The following PIGL variants were observed in gnomAD, a reference collection of about 807,000 sequenced individuals.
The protein encoded by PIGL is phosphatidylinositol glycan anchor biosynthesis class L.
PIGL carries 22 observed loss-of-function variants against 31.1 expected under a neutral mutation model. The ratio of observed to expected loss-of-function variants is 0.71; its 90% CI spans 0.51 to 1.01. The LOEUF (loss-of-function observed/expected upper bound fraction) is 1.01. Ranked by LOEUF, PIGL falls within the 50% of genes least tolerant of loss-of-function variation. The pLI, the probability that PIGL is intolerant of heterozygous loss-of-function variation, is 0.00. For synonymous variants in PIGL, 131 were observed against 117.4 expected (o/e 1.12, Z -0.75); for missense variants, 302 against 315.9 (o/e 0.96, Z 0.33).
In PIGL at chr17:16,295,289, G is replaced by A. The variant is rs189215499; in HGVS notation, c.336-4599G>A. Among the ~76,000 whole-genome samples, 11 of 151,128 alleles carry A rather than the reference G, an allele frequency of 7.3e-5. No individual in the cohort carries two copies. In the East Asian group the frequency reaches 2.0e-3, roughly 27 times the overall value. ...CATGGTGGCGCACGCCTGTAATCCC[G>A]ATTACTGACAGGCTGAGGCAGGAGA... On this transcript the variant is annotated intron_variant, in intron 2 of 6. Transcript: ENST00000225609.
At chr17:16,280,046 G>A (rs755147850) in intron 2 of PIGL, among the ~76,000 whole-genome samples, 5 of 152,162 alleles carry the variant, frequency 3.3e-5, no homozygotes, top group Non-Finnish European at 7.3e-5. Flanking sequence ...ACTACATCAG[G>A]GCAGAAGCCC....
At chr17:16,251,305 C>T (rs2092770352) in intron 2 of PIGL, among the ~76,000 whole-genome samples, 1 of 151,494 alleles carries the variant, frequency 6.6e-6, no homozygotes, top group Non-Finnish European at 1.5e-5. Context: ...TGCCTGTGGT[C>T]CCAGCTCCTT....
intron 2 of PIGL, among the ~76,000 whole-genome samples, chr17:16,266,344 G>A (rs1476147123): frequency 7.9e-5 from 11 of 140,118 alleles, no homozygotes; most frequent in African/African-American, 2.4e-4. Flanking sequence ...AGCCGAGATC[G>A]CGCCATTGCA....
intron 3 of PIGL, among the ~76,000 whole-genome samples, chr17:16,304,794 C>G (rs1600846862): frequency 6.6e-6 from 1 of 152,196 alleles, no homozygotes; most frequent in Non-Finnish European, 1.5e-5. Context: ...AGGTGGTGAA[C>G]TGGGAATACA....
In PIGL at chr17:16,285,569, CAAA is replaced by C. The variant is rs572923923; in HGVS notation, c.336-14308_336-14306del. ...GGGCGACAGAGTGAGGCTCTGTCTC[CAAA>C]AAAAAAAAAATCCATTTTATGGTTA... On this transcript the variant is annotated intron_variant, in intron 2 of 6. Transcript: ENST00000225609. 3.6e-5 allele frequency among the ~76,000 whole-genome samples: 5 copies of C among 137,090 alleles called. No homozygotes were observed. In the South Asian group the frequency reaches 1.1e-3, roughly 31 times the overall value. The allele number at this position is 137,090 out of a possible 152,430, so 89.9% of individuals were successfully genotyped here.
chr17:16,217,226 C>T lies in PIGL; in HGVS notation c.-1C>T, dbSNP rs2092580574. 2 of 1,613,340 alleles carry T rather than the reference C, an allele frequency of 1.2e-6. No individual in the cohort carries two copies. Among genetic ancestry groups the T allele is most frequent in the Non-Finnish European group, 1.7e-6 (2 of 1,179,310 alleles). On this transcript the variant is annotated 5_prime_UTR_variant, in exon 1 of 7. Transcript: ENST00000225609. The stretch of plus-strand genomic sequence containing the variant: ...CGCAGGCTCAGTGCTGCTTACCCAT[C>T]ATGGAAGCAATGTGGCTCCTGTGTG...
chr17:16,316,630 A>G (rs1327121734), intron 4 of PIGL, 51 bp from the exon 5 acceptor site: 2 of 1,543,648 alleles, frequency 1.3e-6, no homozygotes, highest in Non-Finnish European at 1.8e-6. Flanking sequence ...CCTGTTACCT[A>G]CAAAGGAAAT....
intron 6 of PIGL, 132 bp from the exon 7 acceptor site, chr17:16,325,665 GGAA>G: frequency 1.5e-6 from 1 of 683,248 alleles, no homozygotes; most frequent in Non-Finnish European, 2.5e-6. Flanking sequence ...GTGGGTTACA[GGAA>G]GAAGACAGAT....
intron 3 of PIGL, among the ~76,000 whole-genome samples, chr17:16,303,696 G>A (rs939551590): frequency 3.4e-5 from 5 of 148,554 alleles, no homozygotes; most frequent in Non-Finnish European, 6.0e-5. Context: ...ATGCCACCAC[G>A]CCCAGCTCAT....
At chr17:16,245,726 A>C (rs1173905264) in intron 2 of PIGL, among the ~76,000 whole-genome samples, 2 of 151,242 alleles carry the variant, frequency 1.3e-5, no homozygotes, top group African/African-American at 4.9e-5. Flanking sequence ...ACACATATAT[A>C]TATACACACA....
chr17:16,275,029 C>A (rs2142778953), intron 2 of PIGL, among the ~76,000 whole-genome samples: 1 of 148,302 alleles, frequency 6.7e-6, no homozygotes, highest in Non-Finnish European at 1.5e-5. Context: ...AAGACTCCGT[C>A]TCAAAAAAAA....
At chr17:16,241,090 G>A (rs138485143) in intron 2 of PIGL, among the ~76,000 whole-genome samples, 2,859 of 134,692 alleles carry the variant, frequency 0.021, 73 homozygotes, top group African/African-American at 0.05. Flanking sequence ...CTTCAGCCTG[G>A]GCAACAAAAA....
intron 2 of PIGL, among the ~76,000 whole-genome samples, chr17:16,287,678 G>A (rs1245992145): frequency 6.6e-6 from 1 of 152,070 alleles, no homozygotes; most frequent in Non-Finnish European, 1.5e-5. Flanking sequence ...TAGTGACTAG[G>A]GTTTTTTTGT....
At chr17:16,320,550 GAAGA>G (rs1037000412) in intron 6 of PIGL, among the ~76,000 whole-genome samples, 8 of 149,136 alleles carry the variant, frequency 5.4e-5, no homozygotes, top group Admixed American at 2.7e-4. Context: ...AGGAAGGAAG[GAAGA>G]AAGGAAGGAA....
intron 2 of PIGL, among the ~76,000 whole-genome samples, chr17:16,286,529 T>G (rs926527670): frequency 6.6e-6 from 1 of 152,216 alleles, no homozygotes; most frequent in Non-Finnish European, 1.5e-5. Context: ...TTGAGGATAT[T>G]CAGCCAGTGG....
intron 2 of PIGL, among the ~76,000 whole-genome samples, chr17:16,242,809 G>T (rs537898136): frequency 6.6e-6 from 1 of 151,556 alleles, no homozygotes; most frequent in East Asian, 1.9e-4. Context: ...GTAAAGATGG[G>T]GTTTCACCAT....
At chr17:16,309,539 G>T (rs1337376040) in intron 3 of PIGL, among the ~76,000 whole-genome samples, 1 of 151,370 alleles carries the variant, frequency 6.6e-6, no homozygotes, top group Non-Finnish European at 1.5e-5. Flanking sequence ...AAGGCGGGTG[G>T]ATCACCAGGT....
At chr17:16,233,050 G>A (rs1408540201) in intron 1 of PIGL, among the ~76,000 whole-genome samples, 1 of 151,692 alleles carries the variant, frequency 6.6e-6, no homozygotes, top group African/African-American at 2.4e-5. Flanking sequence ...GGAGGCAGAG[G>A]TTGCAGTGAG....
chr17:16,263,655 C>T (rs2092828541), intron 2 of PIGL, among the ~76,000 whole-genome samples: 2 of 151,290 alleles, frequency 1.3e-5, no homozygotes, highest in African/African-American at 4.9e-5. Context: ...TCCCAAGTAG[C>T]TGGGACTACA....
Sources: gnomAD v4.1 joint callset for allele counts (sites outside exome capture counted in the v4.1 genomes callset) on GRCh38, gnomAD v4.1.1 for gene constraint, MANE v1.5 for transcripts, NCBI Gene and HGNC (gene_info 2026-07-23, HGNC 2026-07-21) for gene names.